The following OTUD7A variants were observed in gnomAD, a reference collection of about 807,000 sequenced individuals.
The protein encoded by OTUD7A is OTU domain-containing protein 7A.
OTUD7A carries 12 observed loss-of-function variants against 65.7 expected under a neutral mutation model. The ratio of observed to expected loss-of-function variants is 0.18; its 90% CI spans 0.12 to 0.30. OTUD7A has a LOEUF of 0.30. OTUD7A is among the 10% of genes least tolerant of loss of function. The pLI, the probability that OTUD7A is intolerant of heterozygous loss-of-function variation, is 1.00. For missense variants in OTUD7A, 1,148 were observed against 1,304.8 expected (o/e 0.88, Z 1.85); for synonymous variants, 641 against 586.3 (o/e 1.09, Z -1.35).
intron 1 of OTUD7A, among the ~76,000 whole-genome samples, chr15:31,798,514 A>G (rs747535067): frequency 1.6e-4 from 24 of 152,356 alleles, no homozygotes; most frequent in African/African-American, 3.6e-4. Flanking sequence ...ACTGACGAGT[A>G]TTCTGAAGAT....
intron 8 of OTUD7A, among the ~76,000 whole-genome samples, chr15:31,512,289 CT>C (rs766693641): frequency 3.8e-4 from 58 of 152,116 alleles, no homozygotes; most frequent in Non-Finnish European, 7.8e-4. Context: ...AGCTCTTATC[CT>C]TGAGGCCACT....
At chr15:31,504,350 A>G (rs2041523331) in intron 8 of OTUD7A, among the ~76,000 whole-genome samples, 1 of 152,134 alleles carries the variant, frequency 6.6e-6, no homozygotes, top group Admixed American at 6.5e-5. Flanking sequence ...ATTTCAATCC[A>G]GAGCTGGAGG....
At chr15:31,570,442 T>TACACACACACAC (rs57517466) in intron 3 of OTUD7A, among the ~76,000 whole-genome samples, 14 of 143,218 alleles carry the variant, frequency 9.8e-5, no homozygotes, top group Admixed American at 4.2e-4. Flanking sequence ...TTTAGGTTCA[T>TACACACACACAC]ACACACACAC....
intron 1 of OTUD7A, among the ~76,000 whole-genome samples, chr15:31,798,688 C>T (rs997752157): frequency 6.6e-6 from 1 of 152,216 alleles, no homozygotes; most frequent in African/African-American, 2.4e-5. Context: ...ATGAGGCTCA[C>T]TGGACCCCAG....
In OTUD7A at chr15:31,484,563, C is replaced by T. The variant is rs1389207493; in HGVS notation, c.1533G>A (p.Glu511=). ...CGGAGTCGGCGCGCGTCTTGTCCTTCTCCTTGCGCTGCTTCTCCTTCTCCT... is the reference window on the plus strand; with the variant it reads ...CGGAGTCGGCGCGCGTCTTGTCCTTTTCCTTGCGCTGCTTCTCCTTCTCCT... ...KDKEKEKQRK[E]KDKTRADSVA... Residue 511 remains glutamate, a synonymous_variant, in exon 13 of 13, where the codon GAG becomes GAA. Transcript: ENST00000307050. The surrounding 1 kb of genome is among the most constrained non-coding windows in gnomAD (Gnocchi z 4.5). 6.2e-7 allele frequency: 1 copy of T among 1,611,346 alleles called. No individual in the cohort carries two copies. The highest frequency in any genetic ancestry group is 8.5e-7 in the Non-Finnish European group (1 of 1,179,828).
intron 4 of OTUD7A, among the ~76,000 whole-genome samples, chr15:31,563,559 G>A (rs1340017429): frequency 3.3e-5 from 5 of 152,186 alleles, no homozygotes; most frequent in Non-Finnish European, 7.4e-5. Flanking sequence ...TCCCCAGCAT[G>A]GCTCCAGCAT....
chr15:31,794,756 C>T (rs1171375457), intron 1 of OTUD7A, among the ~76,000 whole-genome samples: 1 of 152,188 alleles, frequency 6.6e-6, no homozygotes, highest in Non-Finnish European at 1.5e-5. Context: ...ACTGGGCCCA[C>T]CTGGGCTCCT....
chr15:31,678,851 A>C (rs139051549), intron 1 of OTUD7A, among the ~76,000 whole-genome samples: 226 of 152,362 alleles, frequency 1.5e-3, no homozygotes, highest in African/African-American at 5.3e-3. Context: ...AGCTGTGAGA[A>C]GAGAGCCACT....
At chr15:31,859,583 AAGAAG>A (rs1897667489) in intron 1 of OTUD7A, among the ~76,000 whole-genome samples, 1 of 152,204 alleles carries the variant, frequency 6.6e-6, no homozygotes, top group Non-Finnish European at 1.5e-5. Context: ...GATAATATAT[AAGAAG>A]AGAAGAGGAA....
At chr15:31,608,665 G>A (rs537248146) in intron 3 of OTUD7A, among the ~76,000 whole-genome samples, 7 of 152,342 alleles carry the variant, frequency 4.6e-5, no homozygotes, top group African/African-American at 1.4e-4. Context: ...TCATAAGTCA[G>A]TGACCAGCTG....
intron 1 of OTUD7A, among the ~76,000 whole-genome samples, chr15:31,854,782 T>A: frequency 6.6e-6 from 1 of 151,058 alleles, no homozygotes; most frequent in African/African-American, 2.4e-5. Context: ...CTTTGAGGGG[T>A]TGTCTTCCTG....
intron 1 of OTUD7A, among the ~76,000 whole-genome samples, chr15:31,795,699 G>C (rs1217865407): frequency 6.6e-6 from 1 of 152,126 alleles, no homozygotes; most frequent in Non-Finnish European, 1.5e-5. Flanking sequence ...TGCAAATTTT[G>C]CTCTCTCTTT....
intron 5 of OTUD7A, among the ~76,000 whole-genome samples, chr15:31,532,593 CTGGA>C (rs1887663954): frequency 6.6e-6 from 1 of 151,270 alleles, no homozygotes; most frequent in African/African-American, 2.4e-5. Flanking sequence ...CGACAAAAGT[CTGGA>C]GTCCGTAGAA....
rs377356664 is a variant in OTUD7A at position 31,563,693 on chromosome 15, C to T, written c.332-4506G>A. ...AGCACTGCTTCCCTCCTTTCCCTAA[C>T]ACACTGGGGAGCTTGGCGGTTACAC... On this transcript the variant is annotated intron_variant, in intron 4 of 12. Transcript: ENST00000307050. 3.9e-5 allele frequency among the ~76,000 whole-genome samples: 6 copies of T among 152,228 alleles called. No homozygotes were observed. In the South Asian group the frequency reaches 8.3e-4, roughly 21 times the overall value.
rs1889567061 is a variant in OTUD7A, at chr15:31,587,158, T to C, written c.152-16961A>G. Among the ~76,000 whole-genome samples, 4 of 152,150 alleles carry C rather than the reference T, an allele frequency of 2.6e-5. No homozygotes were observed. In the South Asian group the frequency reaches 8.3e-4, roughly 32 times the overall value. On this transcript the variant is annotated intron_variant, in intron 3 of 12. Transcript: ENST00000307050. Reference sequence around the variant, plus strand: ...CCTCACACCCGACATCAGCAAGTCCTTGCAGCTTCACCTTAAAATATGCAT... The same window carrying C: ...CCTCACACCCGACATCAGCAAGTCCCTGCAGCTTCACCTTAAAATATGCAT...
intron 1 of OTUD7A, among the ~76,000 whole-genome samples, chr15:31,797,443 G>C (rs1034228022): frequency 1.3e-5 from 2 of 152,120 alleles, no homozygotes; most frequent in Non-Finnish European, 2.9e-5. Context: ...CATTAATACC[G>C]AGTCTAAGCA....
chr15:31,820,976 C>T (rs1041719456), intron 1 of OTUD7A, among the ~76,000 whole-genome samples: 1 of 151,748 alleles, frequency 6.6e-6, no homozygotes, highest in South Asian at 2.1e-4. Flanking sequence ...GCCCCCAGCC[C>T]TAGGCAACCA....
intron 1 of OTUD7A, among the ~76,000 whole-genome samples, chr15:31,675,184 C>G (rs1389706429): frequency 1.3e-5 from 2 of 151,940 alleles, no homozygotes; most frequent in Non-Finnish European, 2.9e-5. Context: ...GTCCATAACA[C>G]AGAAAAAGAC....
At chr15:31,736,308 A>G (rs1466324627) in intron 1 of OTUD7A, among the ~76,000 whole-genome samples, 1 of 152,226 alleles carries the variant, frequency 6.6e-6, no homozygotes, top group Non-Finnish European at 1.5e-5. Context: ...CCCCCCCAAA[A>G]AAAAGATTAG....
Sources: allele counts gnomAD v4.1 joint callset (sites outside exome capture counted in the v4.1 genomes callset), GRCh38; gene constraint gnomAD v4.1.1; non-coding constraint Gnocchi (gnomAD v3.1); transcripts MANE v1.5; gene names NCBI Gene and HGNC (gene_info 2026-07-23, HGNC 2026-07-21).